Variants in SCYL2 observed in about 807,000 individuals in gnomAD.
SCYL2 encodes the protein SCY1-like protein 2.
Under a neutral mutation model 100.4 loss-of-function variants are expected in SCYL2, and 36 were observed. The ratio of observed to expected loss-of-function variants is 0.36; its 90% CI spans 0.27 to 0.47. SCYL2 has a LOEUF of 0.47. SCYL2 is among the 20% of genes least tolerant of loss of function. The pLI is 1.00. For missense variants in SCYL2, 902 were observed against 1,083.9 expected (o/e 0.83, Z 2.36); for synonymous variants, 330 against 359.2 (o/e 0.92, Z 0.92).
chr12:100,310,703 C>T (rs2096341186), intron 4 of SCYL2, among the ~76,000 whole-genome samples: 1 of 152,200 alleles, frequency 6.6e-6, no homozygotes, highest in Admixed American at 6.5e-5. Flanking sequence ...CTGTCTGCAA[C>T]TCAAGAATAA....
At chr12:100,325,209 C>CA (rs1439874560) in intron 11 of SCYL2, among the ~76,000 whole-genome samples, 2 of 151,712 alleles carry the variant, frequency 1.3e-5, no homozygotes, top group Non-Finnish European at 2.9e-5. Context: ...CCACCCCGCC[C>CA]AAAAAAAATC....
At position 100,267,232 on chromosome 12, in the gene SCYL2, T is replaced by G; in HGVS notation, c.-589T>G. On this transcript the variant is annotated 5_prime_UTR_variant, in exon 1 of 18. Coordinates refer to ENST00000360820, the MANE Select transcript of SCYL2 (RefSeq NM_017988.6). ...CCCGGTCCCTCCCCTCCCCACCCCT[T>G]TCCTTCTAGCTCCGACGTTTGCGGC... 4.0e-6 allele frequency: 3 copies of G among 748,884 alleles called. No individual in the cohort carries two copies. The highest frequency in any genetic ancestry group is 4.2e-6 in the Non-Finnish European group (2 of 479,304). 46.4% of individuals were successfully genotyped at this position (748,884 alleles called of 1,614,324 possible). A position where few individuals can be genotyped will look rare whatever the true frequency, so the allele number is the denominator to read the frequency against.
At chr12:100,286,409 C>A (rs541100845) in intron 2 of SCYL2, among the ~76,000 whole-genome samples, 1 of 152,136 alleles carries the variant, frequency 6.6e-6, no homozygotes, top group South Asian at 2.1e-4. Flanking sequence ...GAGTAGTCTT[C>A]TAGTATCCTA....
At chr12:100,271,248 C>T (rs372736427) in intron 1 of SCYL2, among the ~76,000 whole-genome samples, 1 of 130,532 alleles carries the variant, frequency 7.7e-6, no homozygotes, top group African/African-American at 3.2e-5. Flanking sequence ...AGCCCTGCTC[C>T]TTGCAGAGCA....
chr12:100,296,636 A>C (rs966348089), intron 3 of SCYL2: 2 of 152,240 alleles, frequency 1.3e-5, no homozygotes, highest in Admixed American at 6.5e-5. Context: ...ACCAGTGAGA[A>C]GTTGTTAGTA....
intron 12 of SCYL2, 79 bp downstream of exon 12, chr12:100,326,833 C>G (rs558591405): frequency 8.4e-7 from 1 of 1,188,854 alleles, no homozygotes; most frequent in East Asian, 2.5e-5. Context: ...ATTATACTCT[C>G]CTTTCGTGTA....
At chr12:100,311,945 C>T (rs1368565452) in intron 5 of SCYL2, among the ~76,000 whole-genome samples, 2 of 152,120 alleles carry the variant, frequency 1.3e-5, no homozygotes, top group Non-Finnish European at 2.9e-5. Flanking sequence ...GTTGAGCAGC[C>T]AGTTTTAAGG....
intron 11 of SCYL2, among the ~76,000 whole-genome samples, chr12:100,325,794 A>G (rs1433673661): frequency 6.6e-6 from 1 of 152,134 alleles, no homozygotes; most frequent in Non-Finnish European, 1.5e-5. Flanking sequence ...CCTTTTATAA[A>G]ACGAATTATG....
chr12:100,340,075 A>G lies in SCYL2; in HGVS notation c.*903A>G, dbSNP rs1198457942. ...GATTTGTAAGAATTAAACTATATTT[A>G]TGAGTAAACTTTTGAGGTTTCTGCT... is the stretch of plus-strand genomic sequence containing the variant. On this transcript the variant is annotated 3_prime_UTR_variant, in exon 18 of 18. Transcript: ENST00000360820. 1.3e-5 allele frequency: 2 copies of G among 152,612 alleles called. No homozygotes were observed. The highest frequency in any genetic ancestry group is 2.4e-5 in the African/African-American group (1 of 41,460). 9.5% of individuals were successfully genotyped at this position (152,612 alleles called of 1,614,324 possible). A position where few individuals can be genotyped will look rare whatever the true frequency, so the allele number is the denominator to read the frequency against.
At chr12:100,281,001 T>C (rs1465114547) in intron 1 of SCYL2, among the ~76,000 whole-genome samples, 2 of 150,870 alleles carry the variant, frequency 1.3e-5, no homozygotes, top group Non-Finnish European at 3.0e-5. Flanking sequence ...TGTATTTTAT[T>C]GTCCCTTTAC....
Position 100,267,320 on chromosome 12 carries a change from A to T in SCYL2, c.-501A>T. 2.2e-6 allele frequency: 1 copy of T among 447,988 alleles called. No individual in the cohort carries two copies. Among genetic ancestry groups the T allele is most frequent in the East Asian group, 3.8e-5 (1 of 26,470 alleles). The allele number at this position is 447,988 out of a possible 1,614,324, so 27.8% of individuals were successfully genotyped here. ...CAGTGGCCAGGCACGAAGGCAGAGC[A>T]GGAACAGCCAGGAGGCGTTTATTAG... On this transcript the variant is annotated 5_prime_UTR_variant, in exon 1 of 18. Transcript: ENST00000360820.
chr12:100,293,717 A>C (rs2096313367), intron 3 of SCYL2, among the ~76,000 whole-genome samples: 1 of 151,784 alleles, frequency 6.6e-6, no homozygotes, highest in Non-Finnish European at 1.5e-5. Context: ...GAGATTAGGG[A>C]GTGGTGACGA....
rs370389298 is a variant in SCYL2 at position 100,295,156 on chromosome 12, C to T, written c.336-2875C>T. 2.1e-3 allele frequency among the ~76,000 whole-genome samples: 320 copies of T among 150,588 alleles called. 3 individuals are homozygous for T. In the East Asian group the frequency reaches 0.035, roughly 17 times the overall value. ...AGATGGGATGGCGGCAGGGAAGAGG[C>T]GCTCCTCACTTCCTAGATGGGATGG... On this transcript the variant is annotated intron_variant, in intron 3 of 17. Coordinates refer to ENST00000360820, the MANE Select transcript of SCYL2 (RefSeq NM_017988.6).
chr12:100,336,019 A>G, intron 16 of SCYL2, 113 bp downstream of exon 16: 1 of 748,516 alleles, frequency 1.3e-6, no homozygotes, highest in Non-Finnish European at 2.2e-6. Flanking sequence ...AAACATTTGT[A>G]ATTATCTTTC....
chr12:100,287,556 C>A (rs2096305783), intron 2 of SCYL2, among the ~76,000 whole-genome samples: 1 of 152,088 alleles, frequency 6.6e-6, no homozygotes, highest in Non-Finnish European at 1.5e-5. Flanking sequence ...ACTTCCGTAG[C>A]CTTTTTTGTT....
chr12:100,286,512 TA>T (rs928730175), intron 2 of SCYL2, among the ~76,000 whole-genome samples: 3 of 152,152 alleles, frequency 2.0e-5, no homozygotes, highest in African/African-American at 7.2e-5. Flanking sequence ...TAGTTGGCTT[TA>T]AAAGTTGTAT....
At chr12:100,282,513 A>G (rs2096299957) in intron 1 of SCYL2, among the ~76,000 whole-genome samples, 1 of 151,724 alleles carries the variant, frequency 6.6e-6, no homozygotes, top group Admixed American at 6.6e-5. Flanking sequence ...TTTGGTAGAG[A>G]TGGCATTTCA....
chr12:100,294,145 G>C (rs1356074765), intron 3 of SCYL2, among the ~76,000 whole-genome samples: 1 of 147,428 alleles, frequency 6.8e-6, no homozygotes, highest in Non-Finnish European at 1.5e-5. Flanking sequence ...GGGGCGGCTG[G>C]CCGGGCGGGG....
At chr12:100,324,205 A>C (rs2096359305) in intron 11 of SCYL2, among the ~76,000 whole-genome samples, 2 of 152,180 alleles carry the variant, frequency 1.3e-5, no homozygotes, top group Admixed American at 1.3e-4. Context: ...TTAGTCAAGG[A>C]AGGTAGAATT....
Sources: allele counts gnomAD v4.1 joint callset (sites outside exome capture counted in the v4.1 genomes callset), GRCh38; gene constraint gnomAD v4.1.1; transcripts MANE v1.5; gene names NCBI Gene and HGNC (gene_info 2026-07-23, HGNC 2026-07-21).